The following HYKK variants were observed in gnomAD, a reference collection of about 807,000 sequenced individuals.
The protein encoded by HYKK is 5-hydroxy-L-lysine kinase.
In HYKK, 19 loss-of-function variants were observed where a neutral mutation model predicts 29.7. The ratio of observed to expected loss-of-function variants is 0.64; its 90% CI spans 0.45 to 0.94. The LOEUF (loss-of-function observed/expected upper bound fraction) is 0.94, where lower values mean the gene tolerates loss of function less well. Among genes scored for constraint, HYKK ranks in the 40% least tolerant of loss-of-function variants. The probability of loss-of-function intolerance (pLI) is 0.00; values close to 1 mark genes in which losing one functional copy is unlikely to be tolerated. For missense variants in HYKK, 390 were observed against 443.4 expected (o/e 0.88, Z 1.08); for synonymous variants, 152 against 158.1 (o/e 0.96, Z 0.29).
intron 1 of HYKK, among the ~76,000 whole-genome samples, chr15:78,510,597 C>G (rs1367337618): frequency 6.6e-6 from 1 of 152,082 alleles, no homozygotes; most frequent in African/African-American, 2.4e-5. Flanking sequence ...GAATGTTATC[C>G]CCTTTCCCTC....
At chr15:78,530,200 A>ATT (rs60803012) in intron 4 of HYKK, among the ~76,000 whole-genome samples, 5 of 135,202 alleles carry the variant, frequency 3.7e-5, no homozygotes, top group African/African-American at 1.4e-4. Flanking sequence ...TTATTTATTT[A>ATT]TTTTTTTTTT....
intron 2 of HYKK, among the ~76,000 whole-genome samples, chr15:78,513,887 G>A (rs1455537852): frequency 2.0e-5 from 3 of 152,076 alleles, no homozygotes; most frequent in Admixed American, 6.6e-5. Flanking sequence ...GACCTCCTGG[G>A]CTCAGGTGAT....
Position 78,536,637 on chromosome 15 carries a change from A to G in HYKK, c.*2967A>G, listed in dbSNP as rs2052365750. 6.6e-6 allele frequency: 1 copy of G among 152,146 alleles called. No individual in the cohort carries two copies. Among genetic ancestry groups the G allele is most frequent in the African/African-American group, 2.4e-5 (1 of 41,422 alleles). The allele number at this position is 152,146 out of a possible 1,614,324, so 9.4% of individuals were successfully genotyped here. On this transcript the variant is annotated 3_prime_UTR_variant, in exon 5 of 5. Coordinates refer to ENST00000388988, the MANE Select transcript of HYKK (RefSeq NM_001013619.4). ...TGTTTACATGCTGCATTACATTGAT[A>G]TTTTACTATTTGGTGTTTGTTCTAA...
intron 1 of HYKK, among the ~76,000 whole-genome samples, chr15:78,510,099 T>C (rs1411024682): frequency 1.3e-5 from 2 of 149,676 alleles, no homozygotes; most frequent in East Asian, 1.9e-4. Context: ...TTTTCTTTCT[T>C]TCTCTCTCTC....
intron 3 of HYKK, 31 bp downstream of exon 3, chr15:78,515,138 G>T (rs778865482): frequency 5.3e-5 from 79 of 1,490,542 alleles, no homozygotes; most frequent in Non-Finnish European, 7.0e-5. Flanking sequence ...TTATTCTAAG[G>T]GATGTTTGTT....
intron 3 of HYKK, among the ~76,000 whole-genome samples, chr15:78,519,217 A>G (rs761512246): frequency 8.5e-5 from 13 of 152,158 alleles, no homozygotes; most frequent in African/African-American, 2.4e-5. Context: ...TATACTTACA[A>G]TAATCACCAT....
chr15:78,516,490 C>T (rs987200606), intron 3 of HYKK, among the ~76,000 whole-genome samples: 6 of 151,710 alleles, frequency 4.0e-5, no homozygotes, highest in African/African-American at 1.5e-4. Context: ...GGACTACAGG[C>T]GTGTGCCACC....
In HYKK at chr15:78,534,436, A is replaced by G. The variant is rs2052343153; in HGVS notation, c.*766A>G. ...GGCTAATTTTTTTTGTATTTTTAGT[A>G]GAGACAGGGTTTCACCGTGTTAGCC... On this transcript the variant is annotated 3_prime_UTR_variant, in exon 5 of 5. Transcript: ENST00000388988. The G allele has an allele frequency of 6.6e-6, 1 of 151,806 alleles. No individual in the cohort carries two copies. Among genetic ancestry groups the G allele is most frequent in the South Asian group, 2.1e-4 (1 of 4,802 alleles). 9.4% of individuals were successfully genotyped at this position (151,806 alleles called of 1,614,324 possible). A position where few individuals can be genotyped will look rare whatever the true frequency, so the allele number is the denominator to read the frequency against.
chr15:78,522,576 A>G (rs970353147), intron 3 of HYKK, among the ~76,000 whole-genome samples: 6 of 151,028 alleles, frequency 4.0e-5, no homozygotes, highest in African/African-American at 1.2e-4. Flanking sequence ...AAAAAAAAAA[A>G]AAAAAGGGAA....
intron 4 of HYKK, among the ~76,000 whole-genome samples, chr15:78,532,112 C>T (rs1178015830): frequency 6.6e-6 from 1 of 152,158 alleles, no homozygotes; most frequent in South Asian, 2.1e-4. Flanking sequence ...GGCTTAAATC[C>T]GTGCTTCTTA....
At chr15:78,527,841 T>C (rs1567022923) in intron 4 of HYKK, 1 of 800,896 alleles carries the variant, frequency 1.2e-6, no homozygotes, top group African/African-American at 1.8e-5. Context: ...GTTTGTGTTT[T>C]TCAAACTTTA....
At chr15:78,523,992 C>A (rs2052224076) in intron 3 of HYKK, among the ~76,000 whole-genome samples, 1 of 152,196 alleles carries the variant, frequency 6.6e-6, no homozygotes, top group Admixed American at 6.5e-5. Context: ...GTGCCTGTGG[C>A]TTTTCCAGGG....
At position 78,527,697 on chromosome 15, in the gene HYKK, AAAT is replaced by A. The variant is rs1421295222; in HGVS notation, c.661+142_661+144del. On this transcript the variant is annotated intron_variant, in intron 4 of 4. Transcript: ENST00000388988. ...GCCATATTTGCTCCTATTGCTTTTT[AAAT>A]AATAATATTTTTACTTTCCTCAAAA... 66 of 1,411,442 alleles carry A rather than the reference AAAT, an allele frequency of 4.7e-5. 2 individuals carry two copies. The East Asian group carries it at 1.5e-3, about 33-fold the overall frequency. 87.4% of individuals were successfully genotyped at this position (1,411,442 alleles called of 1,614,324 possible).
At chr15:78,511,048 C>T (rs986946344) in intron 1 of HYKK, among the ~76,000 whole-genome samples, 1 of 140,710 alleles carries the variant, frequency 7.1e-6, no homozygotes, top group Non-Finnish European at 1.5e-5. Flanking sequence ...CTTGAGTGTT[C>T]TCCCACCTTG....
intron 3 of HYKK, among the ~76,000 whole-genome samples, chr15:78,524,345 G>A (rs1263322652): frequency 1.3e-5 from 2 of 152,180 alleles, no homozygotes; most frequent in Non-Finnish European, 2.9e-5. Context: ...AGCTATACCC[G>A]TACCATACCC....
chr15:78,531,105 C>T lies in HYKK; in HGVS notation c.662-2105C>T, dbSNP rs767083671. Among the ~76,000 whole-genome samples the T allele has an allele frequency of 7.9e-5, 12 of 152,078 alleles. No individual in the cohort carries two copies. The South Asian group carries it at 1.2e-3, about 16-fold the overall frequency. ...CTTGAACTCCTGGCCTCAAGTGATC[C>T]GCCCACCTAAGCCTCCCAAACTGCT... On this transcript the variant is annotated intron_variant, in intron 4 of 4. Transcript: ENST00000388988.
At position 78,536,167 on chromosome 15, in the gene HYKK, T is replaced by C. The variant is rs1330693455; in HGVS notation, c.*2497T>C. 6.6e-6 allele frequency: 1 copy of C among 152,206 alleles called. No individual in the cohort carries two copies. The highest frequency in any genetic ancestry group is 2.4e-5 in the African/African-American group (1 of 41,432). The allele number at this position is 152,206 out of a possible 1,614,324, so 9.4% of individuals were successfully genotyped here. A position where few individuals can be genotyped will look rare whatever the true frequency, so the allele number is the denominator to read the frequency against. On this transcript the variant is annotated 3_prime_UTR_variant, in exon 5 of 5. Transcript: ENST00000388988. ...CATTTTCAGATAAGAAAATAGCAGC[T>C]GAAAAAGTAAAAATAATTTCCTCAA...
Position 78,535,641 on chromosome 15 carries a change from A to G in HYKK, c.*1971A>G, listed in dbSNP as rs1161449363. On this transcript the variant is annotated 3_prime_UTR_variant, in exon 5 of 5. Transcript: ENST00000388988. Reference sequence around the variant, plus strand: ...TTTTTTGCTTGCCTCTCTTATATTCAGTGAGCCCTACTGGTTTTTAGAATT... The same window carrying G: ...TTTTTTGCTTGCCTCTCTTATATTCGGTGAGCCCTACTGGTTTTTAGAATT... 1 of 152,140 alleles carries G rather than the reference A, an allele frequency of 6.6e-6. No homozygotes were observed. The highest frequency in any genetic ancestry group is 1.9e-4 in the East Asian group (1 of 5,202). The allele number at this position is 152,140 out of a possible 1,614,324, so 9.4% of individuals were successfully genotyped here.
At position 78,527,564 on chromosome 15, in the gene HYKK, G is replaced by GTT. The variant is rs1399318902; in HGVS notation, c.661+2_661+3insTT. The stretch of plus-strand genomic sequence containing the variant: ...ACCAAATTAAGTCATTTTCGAGAAT[G>GTT]TGAGTATTCTCCCAATTAAGTATTT... On this transcript the variant is annotated splice_donor_variant, in intron 4 of 4. Transcript: ENST00000388988. LOFTEE classifies it high-confidence loss of function. 2 of 1,612,124 alleles carry GTT rather than the reference G, an allele frequency of 1.2e-6. No individual in the cohort carries two copies. Among genetic ancestry groups the GTT allele is most frequent in the Non-Finnish European group, 1.7e-6 (2 of 1,178,322 alleles).
Sources: gnomAD v4.1 joint callset for allele counts (sites outside exome capture counted in the v4.1 genomes callset) on GRCh38, gnomAD v4.1.1 for gene constraint, MANE v1.5 for transcripts, NCBI Gene and HGNC (gene_info 2026-07-23, HGNC 2026-07-21) for gene names.